Variants in HNRNPUL1 observed in about 807,000 individuals in gnomAD.
HNRNPUL1 encodes the protein heterogeneous nuclear ribonucleoprotein U-like protein 1.
In HNRNPUL1, 14 loss-of-function variants were observed where a neutral mutation model predicts 108.5. The ratio of observed to expected loss-of-function variants is 0.13; its 90% confidence interval spans 0.09 to 0.20. The LOEUF (loss-of-function observed/expected upper bound fraction) is 0.20. HNRNPUL1 is among the 10% of genes least tolerant of loss of function. The probability of loss-of-function intolerance (pLI) is 1.00; values close to 1 mark genes in which losing one functional copy is unlikely to be tolerated. For missense variants in HNRNPUL1, 804 were observed against 1,168.3 expected (o/e 0.69, Z 4.55); for synonymous variants, 422 against 445.2 (o/e 0.95, Z 0.66).
Position 41,281,289 on chromosome 19 carries a change from G to C in HNRNPUL1, c.999+14G>C, listed in dbSNP as rs375997855. On this transcript the variant is annotated intron_variant, in intron 7 of 14. Coordinates refer to ENST00000392006, the MANE Select transcript of HNRNPUL1 (RefSeq NM_007040.6). ...GGCTGCTTTGCGGTGAGTGCTAGCA[G>C]CCTGTGGGAGTTGGCAGAACCAGAT... 10 of 1,572,088 alleles carry C rather than the reference G, an allele frequency of 6.4e-6. No individual in the cohort carries two copies. Among genetic ancestry groups the C allele is most frequent in the Admixed American group, 1.7e-5 (1 of 59,916 alleles).
At chr19:41,281,423 T>G (rs185842314) in intron 7 of HNRNPUL1, 148 bp downstream of exon 7, 1 of 610,186 alleles carries the variant, frequency 1.6e-6, no homozygotes, top group African/African-American at 1.8e-5. Flanking sequence ...GAATGTTTAC[T>G]GTCATTTTGT....
chr19:41,265,493 GA>G, intron 1 of HNRNPUL1: 2 of 1,033,768 alleles, frequency 1.9e-6, no homozygotes, highest in Non-Finnish European at 2.7e-6. Flanking sequence ...TCCGGGGCTG[GA>G]AGGCCACCCT....
At chr19:41,284,155 G>T (rs1208078524) in intron 7 of HNRNPUL1, among the ~76,000 whole-genome samples, 1 of 151,960 alleles carries the variant, frequency 6.6e-6, no homozygotes, top group African/African-American at 2.4e-5. Flanking sequence ...AGTGATGCTG[G>T]AAGTGTTGCT....
intron 5 of HNRNPUL1, chr19:41,276,542 G>T: frequency 2.5e-6 from 1 of 397,752 alleles, no homozygotes; most frequent in Non-Finnish European, 4.5e-6. Context: ...TTTGACCCAG[G>T]TATTATGTAG....
intron 7 of HNRNPUL1, among the ~76,000 whole-genome samples, chr19:41,287,169 C>T (rs772155661): frequency 2.6e-5 from 4 of 151,690 alleles, no homozygotes; most frequent in Non-Finnish European, 4.4e-5. Flanking sequence ...GTGCACACCA[C>T]GACATCTAGC....
intron 2 of HNRNPUL1, among the ~76,000 whole-genome samples, chr19:41,269,752 A>G (rs2035099822): frequency 6.6e-6 from 1 of 152,070 alleles, no homozygotes; most frequent in Non-Finnish European, 1.5e-5. Flanking sequence ...GCAGTAAGCT[A>G]TGATCGTGCA....
chr19:41,295,966 C>G (rs143824928), intron 10 of HNRNPUL1, among the ~76,000 whole-genome samples: 2 of 152,296 alleles, frequency 1.3e-5, no homozygotes, highest in African/African-American at 4.8e-5. Flanking sequence ...TCTTTTAAAC[C>G]CTTGGCCTCA....
At chr19:41,304,452 C>G (rs2037428009) in intron 13 of HNRNPUL1, among the ~76,000 whole-genome samples, 191 bp downstream of exon 13, 1 of 152,182 alleles carries the variant, frequency 6.6e-6, no homozygotes, top group Non-Finnish European at 1.5e-5. Context: ...ATTCCCAGAT[C>G]CCCTCCAAAC....
intron 12 of HNRNPUL1, 68 bp downstream of exon 12, chr19:41,303,017 A>G (rs1806065701): frequency 6.8e-7 from 1 of 1,469,126 alleles, no homozygotes; most frequent in Admixed American, 2.3e-5. Context: ...TTGACTGCTT[A>G]TTCAATCAGC....
At chr19:41,299,227 A>G (rs772825580) in intron 10 of HNRNPUL1, among the ~76,000 whole-genome samples, 2 of 152,162 alleles carry the variant, frequency 1.3e-5, no homozygotes. Context: ...TGTCACCCAC[A>G]TGACTGCCCA....
chr19:41,265,575 T>C (rs2034780767), intron 1 of HNRNPUL1, among the ~76,000 whole-genome samples: 1 of 151,764 alleles, frequency 6.6e-6, no homozygotes, highest in Non-Finnish European at 1.5e-5. Flanking sequence ...CTAGAAGAGG[T>C]ATAGGGAGCC....
chr19:41,304,487 AG>A (rs2037429958), intron 13 of HNRNPUL1, among the ~76,000 whole-genome samples: 1 of 152,150 alleles, frequency 6.6e-6, no homozygotes, highest in Non-Finnish European at 1.5e-5. Flanking sequence ...AGACCTTCCC[AG>A]AACCTGCTCT....
chr19:41,295,113 C>T (rs1157763646), intron 10 of HNRNPUL1, among the ~76,000 whole-genome samples: 1 of 152,198 alleles, frequency 6.6e-6, no homozygotes, highest in Non-Finnish European at 1.5e-5. Flanking sequence ...GGACCTGGCA[C>T]TTAGTAGCTG....
chr19:41,280,753 C>T (rs1172840767), intron 6 of HNRNPUL1, among the ~76,000 whole-genome samples: 3 of 152,160 alleles, frequency 2.0e-5, no homozygotes, highest in African/African-American at 7.2e-5. Flanking sequence ...GGTCAGTCCT[C>T]ATGGTCTCCA....
chr19:41,295,548 A>G (rs914625223), intron 10 of HNRNPUL1, among the ~76,000 whole-genome samples: 3 of 152,228 alleles, frequency 2.0e-5, no homozygotes, highest in Non-Finnish European at 4.4e-5. Context: ...ACAAGTAACA[A>G]AGGGTGTCTC....
At position 41,292,425 on chromosome 19, in the gene HNRNPUL1, C is replaced by T. The variant is rs751968794; in HGVS notation, c.1180C>T (p.Leu394Phe). 6.2e-7 allele frequency: 1 copy of T among 1,614,202 alleles called. No homozygotes were observed. The highest frequency in any genetic ancestry group is 1.7e-5 in the Admixed American group (1 of 60,030). Reference sequence around the variant, plus strand: ...GAGAGCAGAGCCCTACTGTTCTGTCCTCCCGGGGTTTACCTTCATCCAGCA... The same window carrying T: ...GAGAGCAGAGCCCTACTGTTCTGTCTTCCCGGGGTTTACCTTCATCCAGCA... ...GQRAEPYCSV[L>F]PGFTFIQHLP... Residue 394 changes from leucine (L) to phenylalanine (F), a missense_variant, in exon 8 of 15, where the codon CTC becomes TTC. Leu to Phe is a conservative substitution (Grantham distance 22). Transcript: ENST00000392006. The surrounding 1 kb of genome is among the most constrained non-coding windows in gnomAD (Gnocchi z 4.1).
Position 41,279,095 on chromosome 19 carries a change from G to C in HNRNPUL1, c.805G>C (p.Val269Leu). 6.2e-7 allele frequency: 1 copy of C among 1,613,870 alleles called. No homozygotes were observed. Residue 269 changes from valine (V) to leucine (L), a missense_variant, in exon 6 of 15, where the codon GTG (valine) becomes CTG (leucine). Coordinates refer to ENST00000392006, the MANE Select transcript of HNRNPUL1 (RefSeq NM_007040.6). ...FEMKINEEIS[V>L]KHLPSTEPDP... ...TCCTCAGATCAATGAGGAAATCTCC[G>C]TGAAGCACCTTCCGTCTACAGAGCC...
chr19:41,306,566 C>T lies in HNRNPUL1; in HGVS notation c.*1C>T. On this transcript the variant is annotated 3_prime_UTR_variant, in exon 15 of 15. Coordinates refer to ENST00000392006, the MANE Select transcript of HNRNPUL1 (RefSeq NM_007040.6). ...ACAGGGTGGCACAAGTACACAGTAGCCAGTGTGACCCAGAGGCTCCCGGAG... is the reference window on the plus strand; with the variant it reads ...ACAGGGTGGCACAAGTACACAGTAGTCAGTGTGACCCAGAGGCTCCCGGAG... 6.6e-7 allele frequency: 1 copy of T among 1,520,228 alleles called. No homozygotes were observed. The highest frequency in any genetic ancestry group is 8.8e-7 in the Non-Finnish European group (1 of 1,133,166). The allele number at this position is 1,520,228 out of a possible 1,614,324, so 94.2% of individuals were successfully genotyped here.
rs191573028 is a variant in HNRNPUL1, at chr19:41,277,626, C to A, written c.786+1328C>A. The stretch of plus-strand genomic sequence containing the variant: ...GGTTCAAGCAATTATCCTGCCTCAG[C>A]CTCCCCAGTAGCTGGGATTACAGGC... On this transcript the variant is annotated intron_variant, in intron 5 of 14. Transcript: ENST00000392006. Among the ~76,000 whole-genome samples the A allele has an allele frequency of 5.3e-5, 8 of 152,308 alleles. No homozygotes were observed. In the East Asian group the frequency reaches 1.2e-3, roughly 22 times the overall value.
Sources: allele counts gnomAD v4.1 joint callset (sites outside exome capture counted in the v4.1 genomes callset), GRCh38; gene constraint gnomAD v4.1.1; non-coding constraint Gnocchi (gnomAD v3.1); transcripts MANE v1.5; gene names NCBI Gene and HGNC (gene_info 2026-07-23, HGNC 2026-07-21).